The following TXNRD3 variants were observed in gnomAD, a reference collection of about 807,000 sequenced individuals.
TXNRD3 encodes thioredoxin reductase 3, also known as TXNRD3 neighbor gene protein.
TXNRD3 carries 68 observed loss-of-function variants against 78.2 expected under a neutral mutation model. That is an observed-to-expected ratio of 0.87 (90% CI 0.72 to 1.06). The LOEUF is 1.06. TXNRD3 is among the 50% of genes least tolerant of loss of function. The pLI, the probability that TXNRD3 is intolerant of heterozygous loss-of-function variation, is 0.00. For missense variants in TXNRD3, 751 were observed against 809.5 expected (o/e 0.93, Z 0.88); for synonymous variants, 296 against 300.1 (o/e 0.99, Z 0.14).
At chr3:126,653,634 T>A (rs943694210) in intron 1 of TXNRD3, among the ~76,000 whole-genome samples, 1 of 152,276 alleles carries the variant, frequency 6.6e-6, no homozygotes, top group African/African-American at 2.4e-5. Context: ...GGAAACTCAG[T>A]TGGGCATTAC....
intron 8 of TXNRD3, 76 bp downstream of exon 8, chr3:126,631,688 C>CA (rs1268573383): frequency 1.1e-6 from 1 of 889,582 alleles, no homozygotes; most frequent in African/African-American, 1.7e-5. Flanking sequence ...TGGAATAAGA[C>CA]AGGAAGTAAA....
At chr3:126,608,033 C>T (rs901157190) in intron 15 of TXNRD3, 60 bp from the exon 16 acceptor site, 8 of 1,222,058 alleles carry the variant, frequency 6.5e-6, no homozygotes, top group Non-Finnish European at 9.0e-6. Flanking sequence ...TAAAAAAACA[C>T]ATTCTGAATA....
intron 6 of TXNRD3, among the ~76,000 whole-genome samples, chr3:126,639,222 A>T (rs1932995035): frequency 6.6e-6 from 1 of 152,240 alleles, no homozygotes; most frequent in Non-Finnish European, 1.5e-5. Context: ...TATTCCATTT[A>T]GCCTTTCTGC....
At chr3:126,622,620 C>T (rs1364616216) in intron 10 of TXNRD3, 80 bp from the exon 11 acceptor site, 6 of 1,026,426 alleles carry the variant, frequency 5.8e-6, no homozygotes, top group Non-Finnish European at 8.4e-6. Context: ...ATCCTTCAGA[C>T]ATTAAAAGGG....
At chr3:126,637,118 G>C (rs1025282340) in intron 6 of TXNRD3, among the ~76,000 whole-genome samples, 1 of 152,034 alleles carries the variant, frequency 6.6e-6, no homozygotes, top group East Asian at 1.9e-4. Flanking sequence ...TGGAGACTGG[G>C]TTATTCTTAC....
chr3:126,651,938 C>A lies in TXNRD3; in HGVS notation c.243+2810G>T, dbSNP rs1381609296. Among the ~76,000 whole-genome samples, 8 of 152,242 alleles carry A rather than the reference C, an allele frequency of 5.3e-5. No individual in the cohort carries two copies. In the East Asian group the frequency reaches 1.5e-3, roughly 29 times the overall value. ...ATAGAAACAGATTTCTTAAAAAAGA[C>A]ACCAAAAGCAAGCCATAAAAGGAAA... On this transcript the variant is annotated intron_variant, in intron 1 of 15. Coordinates refer to ENST00000524230, the MANE Select transcript of TXNRD3 (RefSeq NM_052883.3).
chr3:126,614,327 A>C (rs1938265227), intron 13 of TXNRD3, among the ~76,000 whole-genome samples: 1 of 152,186 alleles, frequency 6.6e-6, no homozygotes, highest in Non-Finnish European at 1.5e-5. Flanking sequence ...AAACTTGAGG[A>C]ACTTGTTTCC....
intron 13 of TXNRD3, 126 bp from the exon 14 acceptor site, chr3:126,611,258 C>T (rs1938193231): frequency 1.9e-6 from 1 of 518,640 alleles, no homozygotes; most frequent in Admixed American, 4.0e-5. Flanking sequence ...GTTCAGTGAC[C>T]CCAACTTTAT....
intron 6 of TXNRD3, among the ~76,000 whole-genome samples, chr3:126,640,592 T>C (rs1933050763): frequency 6.6e-6 from 1 of 152,174 alleles, no homozygotes; most frequent in Admixed American, 6.5e-5. Context: ...TGCCCACATC[T>C]ACCAGATCAA....
At chr3:126,636,548 T>C (rs1287018283) in intron 6 of TXNRD3, among the ~76,000 whole-genome samples, 1 of 152,208 alleles carries the variant, frequency 6.6e-6, no homozygotes, top group Non-Finnish European at 1.5e-5. Flanking sequence ...CCCTCAGAGC[T>C]GAAATCCTGG....
At chr3:126,635,755 T>C (rs762990770) in intron 6 of TXNRD3, among the ~76,000 whole-genome samples, 63 of 152,340 alleles carry the variant, frequency 4.1e-4, no homozygotes, top group Non-Finnish European at 8.5e-4. Context: ...TTATATATCC[T>C]GTACATTCCT....
At chr3:126,650,385 G>C (rs1933358923) in intron 1 of TXNRD3, among the ~76,000 whole-genome samples, 1 of 123,922 alleles carries the variant, frequency 8.1e-6, no homozygotes, top group African/African-American at 2.8e-5. Flanking sequence ...GCTCACACCT[G>C]TAATCCCAGC....
At chr3:126,637,800 T>TA (rs1364032418) in intron 6 of TXNRD3, among the ~76,000 whole-genome samples, 1 of 151,988 alleles carries the variant, frequency 6.6e-6, no homozygotes, top group Non-Finnish European at 1.5e-5. Context: ...CTTCCCTTTC[T>TA]ATTTTTTCTT....
chr3:126,637,593 T>G (rs923956840), intron 6 of TXNRD3, among the ~76,000 whole-genome samples: 4 of 152,132 alleles, frequency 2.6e-5, no homozygotes, highest in Non-Finnish European at 5.9e-5. Context: ...AATGTAAAAT[T>G]TCCATATTTT....
chr3:126,615,313 TAA>T, intron 13 of TXNRD3, 40 bp downstream of exon 13: 3 of 1,011,072 alleles, frequency 3.0e-6, no homozygotes, highest in Non-Finnish European at 4.2e-6. Context: ...AATTGTTGAT[TAA>T]AAGAGAATTT....
chr3:126,653,861 C>A (rs569814694), intron 1 of TXNRD3, among the ~76,000 whole-genome samples: 1 of 152,126 alleles, frequency 6.6e-6, no homozygotes, highest in East Asian at 1.9e-4. Flanking sequence ...AATTAATGAA[C>A]CCCAGCTACA....
intron 3 of TXNRD3, among the ~76,000 whole-genome samples, chr3:126,645,177 G>A (rs1043437733): frequency 6.6e-6 from 1 of 152,160 alleles, no homozygotes; most frequent in South Asian, 2.1e-4. Flanking sequence ...GCCCAAGAAG[G>A]TTTTAGGGAC....
intron 5 of TXNRD3, among the ~76,000 whole-genome samples, chr3:126,642,582 G>A (rs1283105855): frequency 2.6e-5 from 4 of 152,214 alleles, no homozygotes; most frequent in South Asian, 4.1e-4. Flanking sequence ...AATGGATTAC[G>A]CAAAACGGAG....
At position 126,607,598 on chromosome 3, in the gene TXNRD3, G is replaced by C. The variant is rs1032569634; in HGVS notation, c.*307C>G. Reference sequence around the variant, plus strand: ...ACTTAGGTGAATGGTGCCACTCAAAGGTCTTTCCGAGGGAAGCTCAGTCCT... The same window carrying C: ...ACTTAGGTGAATGGTGCCACTCAAACGTCTTTCCGAGGGAAGCTCAGTCCT... On this transcript the variant is annotated 3_prime_UTR_variant, in exon 16 of 16. Coordinates refer to ENST00000524230, the MANE Select transcript of TXNRD3 (RefSeq NM_052883.3). The C allele has an allele frequency of 3.8e-6, 1 of 263,850 alleles. No homozygotes were observed. The highest frequency in any genetic ancestry group is 2.2e-5 in the African/African-American group (1 of 45,408). The allele number at this position is 263,850 out of a possible 1,614,324, so 16.3% of individuals were successfully genotyped here. A position where few individuals can be genotyped will look rare whatever the true frequency, so the allele number is the denominator to read the frequency against.
Sources: allele counts gnomAD v4.1 joint callset (sites outside exome capture counted in the v4.1 genomes callset), GRCh38; gene constraint gnomAD v4.1.1; transcripts MANE v1.5; gene names NCBI Gene and HGNC (gene_info 2026-07-23, HGNC 2026-07-21).